Variants in SCHIP1 observed in about 807,000 individuals in gnomAD.
SCHIP1 encodes schwannomin-interacting protein 1.
Under a neutral mutation model 29.7 loss-of-function variants are expected in SCHIP1, and 8 were observed. The observed-to-expected ratio is 0.27, with a 90% CI of 0.16 to 0.49. The LOEUF is 0.49. SCHIP1 is among the 20% of genes least tolerant of loss of function. The pLI, the probability that SCHIP1 is intolerant of heterozygous loss-of-function variation, is 0.99. For missense variants in SCHIP1, 193 were observed against 294.6 expected (o/e 0.66, Z 2.52); for synonymous variants, 76 against 94.9 (o/e 0.80, Z 1.16).
chr3:159,369,686 C>T, the SCHIP1 span, among the ~76,000 whole-genome samples: 1 of 152,056 alleles, frequency 6.6e-6, no homozygotes, highest in Non-Finnish European at 1.5e-5. Flanking sequence ...TTAATAACCA[C>T]CCAAGGGCAG....
the SCHIP1 span, among the ~76,000 whole-genome samples, chr3:159,461,286 G>A: frequency 6.2e-3 from 937 of 151,916 alleles, 7 homozygotes; most frequent in African/African-American, 0.022. Context: ...TGCCAACCAG[G>A]GGCTTCAAAC....
the SCHIP1 span, among the ~76,000 whole-genome samples, chr3:159,278,412 GGA>G: frequency 6.6e-6 from 1 of 152,000 alleles, no homozygotes; most frequent in African/African-American, 2.4e-5. Context: ...AAGCAGAACT[GGA>G]GTTATAATTT....
chr3:159,636,123 A>C, the SCHIP1 span, among the ~76,000 whole-genome samples: 1 of 152,246 alleles, frequency 6.6e-6, no homozygotes, highest in Admixed American at 6.5e-5. Flanking sequence ...ATCTCAGCTC[A>C]CTGCAGCCTT....
chr3:159,444,618 A>G, the SCHIP1 span, among the ~76,000 whole-genome samples: 1 of 152,186 alleles, frequency 6.6e-6, no homozygotes, highest in African/African-American at 2.4e-5. Context: ...AAGAACTTAT[A>G]ATCTAATAAC....
chr3:159,534,841 T>G, the SCHIP1 span, among the ~76,000 whole-genome samples: 1 of 152,164 alleles, frequency 6.6e-6, no homozygotes, highest in Non-Finnish European at 1.5e-5. Flanking sequence ...ATGAAGAAAA[T>G]GTAATCCACA....
the SCHIP1 span, among the ~76,000 whole-genome samples, chr3:159,659,325 G>A: frequency 1.3e-5 from 2 of 152,216 alleles, no homozygotes; most frequent in Non-Finnish European, 2.9e-5. Context: ...CATGTCTGCT[G>A]TGCTCTCTGT....
At chr3:159,515,298 TACCTACTTA>T in the SCHIP1 span, among the ~76,000 whole-genome samples, 489 of 152,176 alleles carry the variant, frequency 3.2e-3, no homozygotes, top group African/African-American at 0.011. Flanking sequence ...GGACCCTCAA[TACCTACTTA>T]ACCTCATCTA....
chr3:159,699,968 A>G, the SCHIP1 span, among the ~76,000 whole-genome samples: 6 of 152,146 alleles, frequency 3.9e-5, no homozygotes, highest in Non-Finnish European at 8.8e-5. Context: ...TATAACTAGA[A>G]AGATACAATG....
At chr3:159,823,341 G>A in the SCHIP1 span, among the ~76,000 whole-genome samples, 12 of 152,260 alleles carry the variant, frequency 7.9e-5, no homozygotes, top group African/African-American at 2.4e-4. Flanking sequence ...AAACCTCCTC[G>A]AAAATTACAG....
At chr3:159,756,050 G>C in the SCHIP1 span, among the ~76,000 whole-genome samples, 1 of 152,264 alleles carries the variant, frequency 6.6e-6, no homozygotes, top group African/African-American at 2.4e-5. Context: ...CACAGTGCAA[G>C]CTGTTGGTGG....
chr3:159,852,734 T>G (rs1364403825), intron 1 of SCHIP1, among the ~76,000 whole-genome samples: 1 of 152,072 alleles, frequency 6.6e-6, no homozygotes, highest in Non-Finnish European at 1.5e-5. Flanking sequence ...GTCCTGGAGC[T>G]CCTACCAGAT....
the SCHIP1 span, among the ~76,000 whole-genome samples, chr3:159,711,185 A>C: frequency 1.3e-5 from 2 of 151,470 alleles, no homozygotes; most frequent in Non-Finnish European, 2.9e-5. Flanking sequence ...AAATGAAAGA[A>C]TAATATTCTT....
the SCHIP1 span, among the ~76,000 whole-genome samples, chr3:159,742,926 A>T: frequency 6.9e-6 from 1 of 145,102 alleles, no homozygotes; most frequent in Admixed American, 7.2e-5. Context: ...ACCTCAGGTG[A>T]TCCACACACC....
the SCHIP1 span, among the ~76,000 whole-genome samples, chr3:159,437,649 A>ACATCTTG: frequency 4.5e-3 from 682 of 152,188 alleles, 8 homozygotes; most frequent in African/African-American, 0.016. Context: ...AAAAAAATCT[A>ACATCTTG]CATCTTGCTA....
the SCHIP1 span, among the ~76,000 whole-genome samples, chr3:159,297,509 G>A: frequency 3.3e-5 from 5 of 152,028 alleles, no homozygotes; most frequent in Non-Finnish European, 7.4e-5. Context: ...AATAGAGCTG[G>A]GACCAGAATC....
chr3:159,606,687 G>C, the SCHIP1 span, among the ~76,000 whole-genome samples: 1 of 152,166 alleles, frequency 6.6e-6, no homozygotes, highest in African/African-American at 2.4e-5. Flanking sequence ...GAGGAAGCAG[G>C]CTAGCCAGGA....
the SCHIP1 span, among the ~76,000 whole-genome samples, chr3:159,324,048 G>T: frequency 6.6e-6 from 1 of 152,058 alleles, no homozygotes; most frequent in Non-Finnish European, 1.5e-5. Flanking sequence ...TAGCAACCTG[G>T]CTTCCTGCAA....
chr3:159,521,033 T>C, the SCHIP1 span, among the ~76,000 whole-genome samples: 997 of 152,340 alleles, frequency 6.5e-3, 3 homozygotes, highest in Non-Finnish European at 8.3e-3. Flanking sequence ...AAAGAGAGCA[T>C]ATTAAAATAA....
chr3:159,355,777 C>A, the SCHIP1 span, among the ~76,000 whole-genome samples: 11 of 151,816 alleles, frequency 7.2e-5, no homozygotes, highest in Non-Finnish European at 1.6e-4. Context: ...CTAAATTTGA[C>A]CTGGACAATT....
Sources: allele counts gnomAD v4.1 joint callset (sites outside exome capture counted in the v4.1 genomes callset), GRCh38; gene constraint gnomAD v4.1.1; transcripts MANE v1.5; gene names NCBI Gene and HGNC (gene_info 2026-07-23, HGNC 2026-07-21).